PITPNC1: variants seen among roughly 807,000 people sequenced by gnomAD.
PITPNC1 encodes cytoplasmic phosphatidylinositol transfer protein 1.
In PITPNC1, 18 loss-of-function variants were observed where a neutral mutation model predicts 44.7. The ratio of observed to expected loss-of-function variants is 0.40; its 90% CI spans 0.28 to 0.60. PITPNC1 has a LOEUF of 0.60. Among genes scored for constraint, PITPNC1 ranks in the 20% least tolerant of loss-of-function variants. The probability of loss-of-function intolerance (pLI) is 0.39; values close to 1 mark genes in which losing one functional copy is unlikely to be tolerated. For missense variants in PITPNC1, 290 were observed against 418.4 expected (o/e 0.69, Z 2.68); for synonymous variants, 141 against 149.6 (o/e 0.94, Z 0.42).
At position 67,451,106 on chromosome 17, in the gene PITPNC1, A is replaced by G. The variant is rs892817055; in HGVS notation, c.48+72904A>G. On this transcript the variant is annotated intron_variant, in intron 1 of 8. Transcript: ENST00000581322. The stretch of plus-strand genomic sequence containing the variant: ...GAGTGCAGTGGCACGATCTTGGCTC[A>G]CTGCAACTTCCGCCTCCTGGGTTCA... Among the ~76,000 whole-genome samples the G allele has an allele frequency of 3.9e-5, 6 of 152,266 alleles. No individual in the cohort carries two copies. The East Asian group carries it at 1.2e-3, about 29-fold the overall frequency.
intron 1 of PITPNC1, among the ~76,000 whole-genome samples, chr17:67,509,056 A>G (rs1246359725): frequency 6.6e-6 from 1 of 151,816 alleles, no homozygotes; most frequent in Non-Finnish European, 1.5e-5. Flanking sequence ...CAACATGGTG[A>G]AACTCCGTCT....
intron 1 of PITPNC1, among the ~76,000 whole-genome samples, chr17:67,466,886 C>G (rs2039435518): frequency 6.6e-6 from 1 of 152,060 alleles, no homozygotes; most frequent in Admixed American, 6.6e-5. Context: ...CCCCCCAAAT[C>G]CAGCAAGCAA....
chr17:67,581,439 T>C (rs76582594), intron 5 of PITPNC1, among the ~76,000 whole-genome samples: 1,926 of 152,344 alleles, frequency 0.013, 42 homozygotes, highest in African/African-American at 0.044. Context: ...ACTCTGGAAC[T>C]GCCCAGGGGA....
chr17:67,410,082 T>C (rs1273911854), intron 1 of PITPNC1, among the ~76,000 whole-genome samples: 1 of 152,250 alleles, frequency 6.6e-6, no homozygotes, highest in East Asian at 1.9e-4. Context: ...ATCAGCGATG[T>C]GTCAGAACTA....
chr17:67,527,720 A>G (rs1224992354), intron 1 of PITPNC1, among the ~76,000 whole-genome samples: 2 of 150,576 alleles, frequency 1.3e-5, no homozygotes, highest in Admixed American at 1.3e-4. Context: ...AAAAAGGAAT[A>G]TAGGCTGGGT....
chr17:67,578,260 G>T lies in PITPNC1; in HGVS notation c.366+3G>T. ...ACAACAAAGGAAGCAATGACACCGTGAGTAGCCCCTCCTTCCATGCTGCGC... is the reference window on the plus strand; with the variant it reads ...ACAACAAAGGAAGCAATGACACCGTTAGTAGCCCCTCCTTCCATGCTGCGC... On this transcript the variant is annotated splice_donor_region_variant and intron_variant, in intron 5 of 8. Transcript: ENST00000581322. The T allele has an allele frequency of 6.2e-7, 1 of 1,600,978 alleles. No individual in the cohort carries two copies.
At chr17:67,435,329 C>A (rs905933101) in intron 1 of PITPNC1, among the ~76,000 whole-genome samples, 1 of 152,190 alleles carries the variant, frequency 6.6e-6, no homozygotes, top group South Asian at 2.1e-4. Context: ...GTTTCTGTAA[C>A]CTTCACTAAA....
chr17:67,657,655 T>TA (rs2042288042), intron 6 of PITPNC1, among the ~76,000 whole-genome samples: 1 of 150,714 alleles, frequency 6.6e-6, no homozygotes, highest in Non-Finnish European at 1.5e-5. Context: ...ATTATATTCT[T>TA]AATCATGAAA....
intron 1 of PITPNC1, among the ~76,000 whole-genome samples, chr17:67,462,225 C>CTTTTTTTTTTT (rs549707875): frequency 1.4e-3 from 99 of 71,236 alleles, no homozygotes; most frequent in Non-Finnish European, 1.9e-3. Flanking sequence ...TTCTTTCTTT[C>CTTTTTTTTTTT]TTTTTTTTTT....
intron 1 of PITPNC1, among the ~76,000 whole-genome samples, chr17:67,451,638 T>G (rs1017822712): frequency 5.9e-5 from 9 of 151,456 alleles, no homozygotes; most frequent in Non-Finnish European, 1.2e-4. Flanking sequence ...CCTTTTTTTT[T>G]TTTGTTTTGT....
chr17:67,428,584 A>C (rs559102223), intron 1 of PITPNC1, among the ~76,000 whole-genome samples: 7 of 151,896 alleles, frequency 4.6e-5, no homozygotes, highest in African/African-American at 1.4e-4. Context: ...GCCTAGCAAT[A>C]CAAATAGTGA....
intron 7 of PITPNC1, among the ~76,000 whole-genome samples, chr17:67,675,150 A>G (rs1192784391): frequency 6.6e-6 from 1 of 152,200 alleles, no homozygotes; most frequent in Non-Finnish European, 1.5e-5. Flanking sequence ...AAATGGAGAG[A>G]AAAACTTCAA....
At chr17:67,491,336 G>A (rs897002402) in intron 1 of PITPNC1, among the ~76,000 whole-genome samples, 1 of 152,360 alleles carries the variant, frequency 6.6e-6, no homozygotes, top group African/African-American at 2.4e-5. Context: ...GCCAGCATGA[G>A]TCACAATGCC....
intron 5 of PITPNC1, among the ~76,000 whole-genome samples, chr17:67,624,533 GTTTGT>G (rs562355225): frequency 2.6e-5 from 4 of 151,270 alleles, no homozygotes; most frequent in Non-Finnish European, 4.4e-5. Flanking sequence ...TTGTTTTTTT[GTTTGT>G]TTTGTTTTGT....
At chr17:67,616,342 T>C (rs1282214811) in intron 5 of PITPNC1, among the ~76,000 whole-genome samples, 1 of 152,164 alleles carries the variant, frequency 6.6e-6, no homozygotes, top group Non-Finnish European at 1.5e-5. Flanking sequence ...GGTTTTACCA[T>C]GTTGGCTAGG....
In PITPNC1 at chr17:67,460,767, C is replaced by T. The variant is rs1466817535; in HGVS notation, c.49-72035C>T. ...TTTTTTTTTTTTTTTTTTTTTGAGA[C>T]GGAGCCTGGCTCTGTCACCCAGGCT... is the stretch of plus-strand genomic sequence containing the variant. On this transcript the variant is annotated intron_variant, in intron 1 of 8. Transcript: ENST00000581322. Among the ~76,000 whole-genome samples the T allele has an allele frequency of 4.8e-5, 6 of 125,844 alleles. No homozygotes were observed. The East Asian group carries it at 7.2e-4, about 15-fold the overall frequency. The allele number at this position is 125,844 out of a possible 152,430, so 82.6% of individuals were successfully genotyped here.
intron 5 of PITPNC1, among the ~76,000 whole-genome samples, chr17:67,628,130 T>G (rs2041918105): frequency 6.6e-6 from 1 of 152,094 alleles, no homozygotes; most frequent in Non-Finnish European, 1.5e-5. Flanking sequence ...CTCGAACTCC[T>G]GACCTCAAGC....
intron 1 of PITPNC1, among the ~76,000 whole-genome samples, chr17:67,482,118 ACT>A (rs2039712645): frequency 6.6e-6 from 1 of 152,066 alleles, no homozygotes; most frequent in African/African-American, 2.4e-5. Flanking sequence ...GTAATTTAAG[ACT>A]CTAATTGGTC....
At chr17:67,516,493 G>GCTCT (rs2040260051) in intron 1 of PITPNC1, among the ~76,000 whole-genome samples, 1 of 152,158 alleles carries the variant, frequency 6.6e-6, no homozygotes, top group African/African-American at 2.4e-5. Context: ...AGAAGCCAGG[G>GCTCT]CTCTGTATGG....
Sources: allele counts gnomAD v4.1 joint callset (sites outside exome capture counted in the v4.1 genomes callset), GRCh38; gene constraint gnomAD v4.1.1; transcripts MANE v1.5; gene names NCBI Gene and HGNC (gene_info 2026-07-23, HGNC 2026-07-21).